Variants in INSIG2 observed in about 807,000 individuals in gnomAD.
INSIG2 encodes the protein insulin-induced gene 2 protein.
Under a neutral mutation model 27.2 loss-of-function variants are expected in INSIG2, and 10 were observed. That is an observed-to-expected ratio of 0.37 (90% CI 0.23 to 0.62). The LOEUF is 0.62. INSIG2 is among the 20% of genes least tolerant of loss of function. The pLI, the probability that INSIG2 is intolerant of heterozygous loss-of-function variation, is 0.65. For missense variants in INSIG2, 178 were observed against 270.2 expected (o/e 0.66, Z 2.39); for synonymous variants, 97 against 95.8 (o/e 1.01, Z -0.07).
intron 1 of INSIG2, among the ~76,000 whole-genome samples, chr2:118,095,727 C>T (rs1240154629): frequency 3.3e-5 from 5 of 152,176 alleles, no homozygotes; most frequent in Non-Finnish European, 5.9e-5. Flanking sequence ...CTCCAGCTTT[C>T]TTACAATCCC....
At chr2:118,102,516 A>G (rs549070597) in intron 2 of INSIG2, 130 of 152,328 alleles carry the variant, frequency 8.5e-4, no homozygotes, top group African/African-American at 3.0e-3. Context: ...CATTGTTTCT[A>G]TGTGCAGAAT....
intron 2 of INSIG2, among the ~76,000 whole-genome samples, chr2:118,097,418 TG>T (rs1678435495): frequency 6.6e-6 from 1 of 152,244 alleles, no homozygotes; most frequent in Non-Finnish European, 1.5e-5. Flanking sequence ...GTTGTATTTT[TG>T]TAAATGCTTT....
intron 1 of INSIG2, among the ~76,000 whole-genome samples, chr2:118,090,823 G>A (rs1171821420): frequency 6.6e-6 from 1 of 152,202 alleles, no homozygotes; most frequent in Non-Finnish European, 1.5e-5. Flanking sequence ...GTCAGAGTGG[G>A]TGAGCCTAGT....
At chr2:118,100,373 C>CT (rs70949913) in intron 2 of INSIG2, among the ~76,000 whole-genome samples, 41,823 of 81,780 alleles carry the variant, frequency 0.51, 12,065 homozygotes, top group Middle Eastern at 0.68. Flanking sequence ...ACTCTTTTGC[C>CT]TTTTTTTTTT....
At chr2:118,089,035 G>T (rs893969706) in intron 1 of INSIG2, among the ~76,000 whole-genome samples, 3 of 152,192 alleles carry the variant, frequency 2.0e-5, no homozygotes, top group Non-Finnish European at 4.4e-5. Flanking sequence ...GTAATACTCT[G>T]GCATTTTTGA....
At chr2:118,098,036 G>C (rs1678452736) in intron 2 of INSIG2, among the ~76,000 whole-genome samples, 1 of 152,132 alleles carries the variant, frequency 6.6e-6, no homozygotes, top group Non-Finnish European at 1.5e-5. Flanking sequence ...TAGTTTCCCA[G>C]GGTTATCATT....
chr2:118,091,821 T>C (rs750452682), intron 1 of INSIG2, among the ~76,000 whole-genome samples: 1 of 152,138 alleles, frequency 6.6e-6, no homozygotes, highest in Non-Finnish European at 1.5e-5. Flanking sequence ...AAAACATAAA[T>C]AAACAGAAAG....
Position 118,090,311 on chromosome 2 carries a change from G to T in INSIG2, c.-139+1770G>T, listed in dbSNP as rs115087222. Among the ~76,000 whole-genome samples, 557 of 152,286 alleles carry T rather than the reference G, an allele frequency of 3.7e-3. 2 individuals are homozygous for T. Among genetic ancestry groups the T allele is most frequent in the Non-Finnish European group, 6.2e-3 (420 of 68,028 alleles). On this transcript the variant is annotated intron_variant, in intron 1 of 5. Transcript: ENST00000245787. Reference sequence around the variant, plus strand: ...TGGTCTTGTCATTTGGTTTTAGGGGGTGTTGCAGTTGTTACAATGCAACAG... The same window carrying T: ...TGGTCTTGTCATTTGGTTTTAGGGGTTGTTGCAGTTGTTACAATGCAACAG...
intron 1 of INSIG2, among the ~76,000 whole-genome samples, chr2:118,094,101 T>TGAG (rs1264217011): frequency 1.1e-4 from 5 of 45,136 alleles, no homozygotes; most frequent in Admixed American, 2.3e-4. Context: ...ATGATGATGA[T>TGAG]GATGAGGAGG....
rs137964264 is a variant in INSIG2, at chr2:118,096,560, G to A, written c.4G>A (p.Ala2Thr). Residue 2 changes from alanine (A) to threonine (T), a missense_variant, in exon 2 of 6, where the codon GCA becomes ACA. By Grantham distance (58) the Ala-to-Thr change is moderately conservative (BLOSUM62 0). Coordinates refer to ENST00000245787, the MANE Select transcript of INSIG2 (RefSeq NM_016133.4). Reference protein sequence around the residue: MAEGETESPGPK... With the variant: MTEGETESPGPK... The stretch of plus-strand genomic sequence containing the variant: ...GGCTTTCTGAACCTATGAAACCATG[G>A]CAGAAGGAGAGACAGAGTCACCTGG... 5.0e-6 allele frequency: 8 copies of A among 1,612,278 alleles called. No homozygotes were observed. In the African/African-American group the frequency reaches 1.1e-4, roughly 22 times the overall value.
chr2:118,101,225 T>C (rs1221887853), intron 2 of INSIG2, among the ~76,000 whole-genome samples: 5 of 152,172 alleles, frequency 3.3e-5, no homozygotes, highest in Non-Finnish European at 5.9e-5. Context: ...AGAAGACATT[T>C]AATGGGAAGT....
intron 2 of INSIG2, among the ~76,000 whole-genome samples, chr2:118,100,353 A>G (rs1330927184): frequency 6.9e-6 from 1 of 145,362 alleles, no homozygotes; most frequent in Non-Finnish European, 1.5e-5. Context: ...TGCAATTGGA[A>G]TCGTATCTTA....
chr2:118,096,739 T>A lies in INSIG2; in HGVS notation c.183T>A (p.Asp61Glu). 1 of 1,614,092 alleles carries A rather than the reference T, an allele frequency of 6.2e-7. No individual in the cohort carries two copies. Among genetic ancestry groups the A allele is most frequent in the South Asian group, 1.1e-5 (1 of 91,084 alleles). Reference sequence around the variant, plus strand: ...GAAATGTGACGCTCTTTCCACCTGATGTGATTGCAAGCATCTTTTCTTCTG... The same window carrying A: ...GAAATGTGACGCTCTTTCCACCTGAAGTGATTGCAAGCATCTTTTCTTCTG... ...IQRNVTLFPP[D>E]VIASIFSSAW... Residue 61 changes from aspartate (D) to glutamate (E), a missense_variant, in exon 2 of 6, where the codon GAT becomes GAA. Physicochemically the swap from Asp to Glu is conservative, Grantham distance 45. Transcript: ENST00000245787.
At position 118,108,357 on chromosome 2, in the gene INSIG2, A is replaced by C. The variant is rs1341600076; in HGVS notation, c.*35A>C. On this transcript the variant is annotated 3_prime_UTR_variant, in exon 6 of 6. Coordinates refer to ENST00000245787, the MANE Select transcript of INSIG2 (RefSeq NM_016133.4). Reference sequence around the variant, plus strand: ...AAAATATCTTTTGTACAGAAAAGCAAGATGAAAAGGATGTGAAATGGTAGA... The same window carrying C: ...AAAATATCTTTTGTACAGAAAAGCACGATGAAAAGGATGTGAAATGGTAGA... 2.0e-6 allele frequency: 3 copies of C among 1,532,394 alleles called. No homozygotes were observed. Among genetic ancestry groups the C allele is most frequent in the Non-Finnish European group, 1.8e-6 (2 of 1,115,252 alleles). 94.9% of individuals were successfully genotyped at this position (1,532,394 alleles called of 1,614,324 possible). A position where few individuals can be genotyped will look rare whatever the true frequency, so the allele number is the denominator to read the frequency against.
At chr2:118,095,172 G>A (rs527631768) in intron 1 of INSIG2, among the ~76,000 whole-genome samples, 34 of 152,316 alleles carry the variant, frequency 2.2e-4, no homozygotes, top group African/African-American at 7.9e-4. Context: ...ACTGCTTTTG[G>A]ATTGAAGGAA....
intron 2 of INSIG2, among the ~76,000 whole-genome samples, chr2:118,098,648 C>T (rs1210831383): frequency 6.6e-6 from 1 of 152,206 alleles, no homozygotes; most frequent in Non-Finnish European, 1.5e-5. Flanking sequence ...CATTGTACCT[C>T]CACTATGAAG....
chr2:118,090,408 G>A (rs1678197384), intron 1 of INSIG2, among the ~76,000 whole-genome samples: 1 of 152,152 alleles, frequency 6.6e-6, no homozygotes, highest in Non-Finnish European at 1.5e-5. Context: ...AGTTGTTTCA[G>A]TGGCCAACAT....
At chr2:118,100,332 T>C (rs1678510008) in intron 2 of INSIG2, among the ~76,000 whole-genome samples, 1 of 151,528 alleles carries the variant, frequency 6.6e-6, no homozygotes. Flanking sequence ...TAATTGTTTC[T>C]GTGGTCACTT....
At chr2:118,104,556 C>T (rs148530716) in intron 3 of INSIG2, among the ~76,000 whole-genome samples, 2 of 152,158 alleles carry the variant, frequency 1.3e-5, no homozygotes, top group Non-Finnish European at 2.9e-5. Context: ...AAGTTAAAAT[C>T]ATATACTATT....
Sources: gnomAD v4.1 joint callset for allele counts (sites outside exome capture counted in the v4.1 genomes callset) on GRCh38, gnomAD v4.1.1 for gene constraint, MANE v1.5 for transcripts, NCBI Gene and HGNC (gene_info 2026-07-23, HGNC 2026-07-21) for gene names.